CNTN5: variants seen among roughly 807,000 people sequenced by gnomAD.
The protein encoded by CNTN5 is contactin 5, also known as contactin-5.
A neutral mutation model predicts 129.1 loss-of-function variants in CNTN5; 77 were observed. That is an observed-to-expected ratio of 0.60 (90% CI 0.50 to 0.72). The LOEUF (loss-of-function observed/expected upper bound fraction) is 0.72. Ranked by LOEUF, CNTN5 falls within the 30% of genes least tolerant of loss-of-function variation. CNTN5 has a pLI of 0.00. For missense variants in CNTN5, 1,478 were observed against 1,328.8 expected (o/e 1.11, Z -1.75); for synonymous variants, 509 against 465.6 (o/e 1.09, Z -1.20).
chr11:100,123,679 T>A (rs1004983225), intron 13 of CNTN5, among the ~76,000 whole-genome samples: 5 of 151,864 alleles, frequency 3.3e-5, no homozygotes, highest in African/African-American at 1.2e-4. Flanking sequence ...ACAGAAAAGA[T>A]ATTGGGTGGA....
At chr11:99,626,443 A>G (rs916801033) in intron 3 of CNTN5, among the ~76,000 whole-genome samples, 1 of 152,096 alleles carries the variant, frequency 6.6e-6, no homozygotes, top group Non-Finnish European at 1.5e-5. Context: ...ATTTAGTTTG[A>G]TGCAGCTGAA....
At chr11:99,435,632 A>G (rs1943569647) in intron 2 of CNTN5, among the ~76,000 whole-genome samples, 1 of 152,224 alleles carries the variant, frequency 6.6e-6, no homozygotes, top group Admixed American at 6.5e-5. Flanking sequence ...TACTCTGCCA[A>G]AGAGGGATAC....
At chr11:100,324,844 T>C (rs1951759110) in intron 21 of CNTN5, among the ~76,000 whole-genome samples, 1 of 152,190 alleles carries the variant, frequency 6.6e-6, no homozygotes, top group African/African-American at 2.4e-5. Context: ...AACTGCCTCA[T>C]AAATATTCAA....
Position 99,540,867 on chromosome 11 carries a change from G to A in CNTN5, c.-70-15278G>A, listed in dbSNP as rs149542103. Among the ~76,000 whole-genome samples the A allele has an allele frequency of 1.4e-3, 216 of 152,272 alleles. 3 individuals carry two copies. The highest frequency in any genetic ancestry group is 0.014 in the East Asian group (73 of 5,172). On this transcript the variant is annotated intron_variant, in intron 2 of 24. Transcript: ENST00000524871. ...TGGGAAAAATATTAGATAAGTCTAC[G>A]AAGGCAAATTATAACGAATTTAGAA...
intron 10 of CNTN5, among the ~76,000 whole-genome samples, chr11:100,064,612 C>G (rs1471642942): frequency 6.6e-6 from 1 of 151,978 alleles, no homozygotes; most frequent in East Asian, 1.9e-4. Flanking sequence ...ATTTGGTATG[C>G]CTTTCTTGAT....
At chr11:99,914,139 A>C (rs968164852) in intron 6 of CNTN5, among the ~76,000 whole-genome samples, 2 of 152,066 alleles carry the variant, frequency 1.3e-5, no homozygotes, top group Non-Finnish European at 2.9e-5. Flanking sequence ...CGGGAGGCTG[A>C]GACTGGAGGA....
At chr11:100,037,202 CT>C (rs1555182883) in intron 9 of CNTN5, among the ~76,000 whole-genome samples, 1 of 142,470 alleles carries the variant, frequency 7.0e-6, no homozygotes, top group Non-Finnish European at 1.5e-5. Flanking sequence ...TGTCAAAGGC[CT>C]TTTCTGCATC....
intron 21 of CNTN5, among the ~76,000 whole-genome samples, chr11:100,326,989 A>G (rs1001196764): frequency 2.0e-5 from 3 of 152,230 alleles, no homozygotes; most frequent in Non-Finnish European, 4.4e-5. Context: ...TATAGAGACT[A>G]TATCAGGTAG....
At chr11:99,697,956 A>G (rs1232505238) in intron 3 of CNTN5, among the ~76,000 whole-genome samples, 1 of 151,570 alleles carries the variant, frequency 6.6e-6, no homozygotes, top group African/African-American at 2.4e-5. Flanking sequence ...TATGCAACTA[A>G]TTTGTTTTTC....
At chr11:99,826,455 AG>A (rs1327334787) in intron 4 of CNTN5, among the ~76,000 whole-genome samples, 2 of 152,138 alleles carry the variant, frequency 1.3e-5, no homozygotes, top group Non-Finnish European at 2.9e-5. Flanking sequence ...TACACACAAA[AG>A]GCATCCAACC....
At chr11:99,510,196 G>A (rs1946782342) in intron 2 of CNTN5, among the ~76,000 whole-genome samples, 1 of 151,736 alleles carries the variant, frequency 6.6e-6, no homozygotes, top group Non-Finnish European at 1.5e-5. Flanking sequence ...AACAAAATGG[G>A]GCAACAAGTA....
At chr11:99,190,036 A>C (rs1005973349) in intron 1 of CNTN5, among the ~76,000 whole-genome samples, 2 of 151,664 alleles carry the variant, frequency 1.3e-5, no homozygotes, top group Admixed American at 1.3e-4. Context: ...TATAGTTTCA[A>C]GTCTTACATT....
chr11:99,523,777 C>T (rs554380283), intron 2 of CNTN5, among the ~76,000 whole-genome samples: 1 of 152,098 alleles, frequency 6.6e-6, no homozygotes, highest in South Asian at 2.1e-4. Flanking sequence ...CAGCACATAT[C>T]TAGGAAGCGT....
At chr11:99,867,414 A>G (rs540834631) in intron 6 of CNTN5, among the ~76,000 whole-genome samples, 51 of 152,284 alleles carry the variant, frequency 3.3e-4, no homozygotes, top group African/African-American at 1.2e-3. Flanking sequence ...GAGCAAATGT[A>G]TTATCTTAAA....
At chr11:99,997,049 C>G (rs1239253753) in intron 8 of CNTN5, among the ~76,000 whole-genome samples, 2 of 152,150 alleles carry the variant, frequency 1.3e-5, no homozygotes, top group Non-Finnish European at 2.9e-5. Flanking sequence ...CTAATCATAC[C>G]TTGACTCATT....
chr11:100,090,066 T>C (rs1278479361), intron 13 of CNTN5, among the ~76,000 whole-genome samples: 2 of 152,112 alleles, frequency 1.3e-5, no homozygotes, highest in African/African-American at 2.4e-5. Flanking sequence ...TTTTAAAATA[T>C]GTGATTCACC....
At chr11:100,045,929 CTT>C (rs1283432921) in intron 9 of CNTN5, among the ~76,000 whole-genome samples, 1 of 152,020 alleles carries the variant, frequency 6.6e-6, no homozygotes, top group Non-Finnish European at 1.5e-5. Context: ...ACATCAAACA[CTT>C]TTTTTCCTGT....
At chr11:100,198,321 T>C (rs552630433) in intron 15 of CNTN5, among the ~76,000 whole-genome samples, 20 of 152,062 alleles carry the variant, frequency 1.3e-4, no homozygotes, top group South Asian at 1.0e-3. Flanking sequence ...AATGTGATAT[T>C]TTGTCATTGT....
At chr11:99,299,493 T>C (rs2135940820) in intron 1 of CNTN5, among the ~76,000 whole-genome samples, 1 of 152,260 alleles carries the variant, frequency 6.6e-6, no homozygotes, top group East Asian at 1.9e-4. Context: ...CAATAGTGGT[T>C]ATCCAGTCTA....
Sources: allele counts gnomAD v4.1 joint callset (sites outside exome capture counted in the v4.1 genomes callset), GRCh38; gene constraint gnomAD v4.1.1; transcripts MANE v1.5; gene names NCBI Gene and HGNC (gene_info 2026-07-23, HGNC 2026-07-21).